DIP2B: variants seen among roughly 807,000 people sequenced by gnomAD.
DIP2B encodes the protein disco-interacting protein 2 homolog B.
In DIP2B, 76 loss-of-function variants were observed where a neutral mutation model predicts 198.0. The observed-to-expected ratio is 0.38, with a 90% CI of 0.32 to 0.46. The LOEUF is 0.46. Ranked by LOEUF, DIP2B falls within the 20% of genes least tolerant of loss-of-function variation. The pLI is 0.99. For missense variants in DIP2B, 1,559 were observed against 1,978.4 expected (o/e 0.79, Z 4.02); for synonymous variants, 701 against 739.1 (o/e 0.95, Z 0.84).
chr12:50,698,585 A>G, intron 18 of DIP2B, 118 bp downstream of exon 18: 1 of 1,236,668 alleles, frequency 8.1e-7, no homozygotes, highest in South Asian at 1.9e-5. Context: ...TAACGCATTT[A>G]ATTTCTCAGA....
intron 17 of DIP2B, 90 bp downstream of exon 17, chr12:50,697,265 A>G: frequency 8.7e-7 from 1 of 1,153,224 alleles, no homozygotes; most frequent in Non-Finnish European, 1.2e-6. Flanking sequence ...ACGGATGTTA[A>G]CTAATTTTCT....
At chr12:50,594,552 A>G (rs907420782) in intron 1 of DIP2B, among the ~76,000 whole-genome samples, 1 of 152,200 alleles carries the variant, frequency 6.6e-6, no homozygotes, top group Admixed American at 6.5e-5. Flanking sequence ...TGTAAAGTCA[A>G]TACGTATTAG....
intron 22 of DIP2B, among the ~76,000 whole-genome samples, chr12:50,713,329 A>G (rs1444662116): frequency 6.6e-6 from 1 of 152,180 alleles, no homozygotes; most frequent in East Asian, 1.9e-4. Context: ...TTTAGGATTA[A>G]CTTGCCTGAC....
chr12:50,611,657 C>T (rs1404122159), intron 1 of DIP2B, among the ~76,000 whole-genome samples: 3 of 152,048 alleles, frequency 2.0e-5, no homozygotes, highest in Non-Finnish European at 4.4e-5. Flanking sequence ...GTTTTATTCT[C>T]TTTTTACCTA....
rs548905791 is a variant in DIP2B at position 50,512,576 on chromosome 12, T to C, written c.100+7336T>C. ...GGGACTTGATTTTGACATAAGGTAG[T>C]GTTGTATAATCATTTGAGAAGCACA... is the stretch of plus-strand genomic sequence containing the variant. On this transcript the variant is annotated intron_variant, in intron 1 of 37. Transcript: ENST00000301180. Among the ~76,000 whole-genome samples the C allele has an allele frequency of 2.6e-5, 4 of 152,366 alleles. No homozygotes were observed. In the South Asian group the frequency reaches 8.3e-4, roughly 32 times the overall value.
At chr12:50,668,650 T>C (rs1938797267) in intron 4 of DIP2B, among the ~76,000 whole-genome samples, 1 of 152,190 alleles carries the variant, frequency 6.6e-6, no homozygotes. Flanking sequence ...CAAATTAAAA[T>C]ACATATAAAT....
At chr12:50,657,276 C>T (rs1331162888) in intron 3 of DIP2B, among the ~76,000 whole-genome samples, 1 of 144,860 alleles carries the variant, frequency 6.9e-6, no homozygotes, top group Non-Finnish European at 1.5e-5. Flanking sequence ...TCAATGGATG[C>T]TAAAACTAGT....
At chr12:50,596,685 C>T (rs188800528) in intron 1 of DIP2B, among the ~76,000 whole-genome samples, 4 of 152,128 alleles carry the variant, frequency 2.6e-5, no homozygotes, top group East Asian at 1.9e-4. Context: ...GGCAACATGG[C>T]GAAACCCCAC....
chr12:50,583,485 C>T (rs1593629396), intron 1 of DIP2B, among the ~76,000 whole-genome samples: 1 of 152,176 alleles, frequency 6.6e-6, no homozygotes, highest in East Asian at 1.9e-4. Flanking sequence ...TCTGCAGGTG[C>T]TGCTTGTCTC....
intron 1 of DIP2B, among the ~76,000 whole-genome samples, chr12:50,614,191 G>A (rs946232251): frequency 6.6e-6 from 1 of 152,118 alleles, no homozygotes; most frequent in East Asian, 1.9e-4. Context: ...CTGGGCTACT[G>A]ATGATCTACC....
chr12:50,564,876 A>G (rs1164080485), intron 1 of DIP2B, among the ~76,000 whole-genome samples: 2 of 152,210 alleles, frequency 1.3e-5, no homozygotes, highest in South Asian at 2.1e-4. Flanking sequence ...TATGTATTTC[A>G]TAAGTCAGCA....
At chr12:50,593,275 G>C (rs1267410571) in intron 1 of DIP2B, among the ~76,000 whole-genome samples, 2 of 152,122 alleles carry the variant, frequency 1.3e-5, no homozygotes, top group African/African-American at 2.4e-5. Context: ...GGGAGGCCAA[G>C]GTGGGCGGAT....
At chr12:50,586,983 C>T (rs764714655) in intron 1 of DIP2B, among the ~76,000 whole-genome samples, 1 of 152,170 alleles carries the variant, frequency 6.6e-6, no homozygotes, top group Admixed American at 6.5e-5. Context: ...CAAGACATCA[C>T]CTGACTGTTA....
chr12:50,693,590 A>G (rs1939256324), intron 14 of DIP2B, among the ~76,000 whole-genome samples: 2 of 152,168 alleles, frequency 1.3e-5, no homozygotes. Flanking sequence ...AGGGAAGAGG[A>G]GGTGGATCCC....
At chr12:50,523,140 G>A (rs1386627486) in intron 1 of DIP2B, among the ~76,000 whole-genome samples, 2 of 152,092 alleles carry the variant, frequency 1.3e-5, no homozygotes, top group South Asian at 2.1e-4. Context: ...TTCTTCGTAG[G>A]GGATTGGTTC....
rs765500613 is a variant in DIP2B, at chr12:50,696,055, A to G, written c.1933+88A>G. The G allele has an allele frequency of 2.8e-5, 43 of 1,553,628 alleles. No individual in the cohort carries two copies. The Middle Eastern group carries it at 5.1e-4, about 19-fold the overall frequency. ...CCCTGTACTAAGATATAATTCACAT[A>G]CTGAAAAACTCACTCATTTAAGATG... On this transcript the variant is annotated intron_variant, in intron 16 of 37. Coordinates refer to ENST00000301180, the MANE Select transcript of DIP2B (RefSeq NM_173602.3).
chr12:50,674,930 C>T (rs1938919930), intron 6 of DIP2B, among the ~76,000 whole-genome samples: 1 of 152,096 alleles, frequency 6.6e-6, no homozygotes. Context: ...TTTGGGAGGC[C>T]GCGGTGGGCA....
At chr12:50,727,079 C>T (rs1939950853) in intron 28 of DIP2B, among the ~76,000 whole-genome samples, 1 of 152,154 alleles carries the variant, frequency 6.6e-6, no homozygotes, top group African/African-American at 2.4e-5. Flanking sequence ...GATCGAGCCA[C>T]TGCACTCCAA....
At chr12:50,625,763 G>A (rs943027159) in intron 1 of DIP2B, among the ~76,000 whole-genome samples, 1 of 152,078 alleles carries the variant, frequency 6.6e-6, no homozygotes, top group African/African-American at 2.4e-5. Context: ...TTGGTTTTGG[G>A]ACAAGCTCTA....
Sources: gnomAD v4.1 joint callset for allele counts (sites outside exome capture counted in the v4.1 genomes callset) on GRCh38, gnomAD v4.1.1 for gene constraint, MANE v1.5 for transcripts, NCBI Gene and HGNC (gene_info 2026-07-23, HGNC 2026-07-21) for gene names.